Variants in CDH17 observed in about 807,000 individuals in gnomAD.
CDH17 encodes cadherin 17.
A neutral mutation model predicts 86.3 loss-of-function variants in CDH17; 67 were observed. The ratio of observed to expected loss-of-function variants is 0.78; its 90% CI spans 0.64 to 0.95. The LOEUF is 0.95. Among genes scored for constraint, CDH17 ranks in the 40% least tolerant of loss-of-function variants. The pLI, the probability that CDH17 is intolerant of heterozygous loss-of-function variation, is 0.00. For synonymous variants in CDH17, 367 were observed against 366.4 expected (o/e 1.00, Z -0.02); for missense variants, 993 against 1,017.6 (o/e 0.98, Z 0.33).
Position 94,173,926 on chromosome 8 carries a change from G to T in CDH17, c.654C>A (p.Gly218=). ...NLVISVKDMG[G]QSENSFSDTT... is the part of the protein sequence containing the mutation. ...TATCACTGAAGGAATTCTCACTCTG[G>T]CCTCCCATGTCCTTCACTGAGATCA... Residue 218 remains glycine (G), a synonymous_variant, in exon 7 of 18, where the codon GGC becomes GGA. Coordinates refer to ENST00000027335, the MANE Select transcript of CDH17 (RefSeq NM_004063.4). 2 of 1,613,576 alleles carry T rather than the reference G, an allele frequency of 1.2e-6. No homozygotes were observed. The highest frequency in any genetic ancestry group is 1.3e-5 in the African/African-American group (1 of 75,010).
intron 1 of CDH17, among the ~76,000 whole-genome samples, chr8:94,215,326 T>G (rs995289240): frequency 6.6e-6 from 1 of 152,266 alleles, no homozygotes; most frequent in East Asian, 1.9e-4. Context: ...TAAAAAGATA[T>G]GAAATACTGA....
At chr8:94,163,221 A>G (rs1813091660) in intron 10 of CDH17, among the ~76,000 whole-genome samples, 1 of 152,248 alleles carries the variant, frequency 6.6e-6, no homozygotes, top group Admixed American at 6.5e-5. Flanking sequence ...AGAGAAGTTC[A>G]GGTAACCTAA....
At chr8:94,211,320 TATTTA>T (rs570959538), upstream of CDH17, among the ~76,000 whole-genome samples, 18 of 152,214 alleles carry the variant, frequency 1.2e-4, no homozygotes, top group East Asian at 3.3e-3. Flanking sequence ...TATTTTATTT[TATTTA>T]TTTTTTGAGA....
chr8:94,170,888 A>G lies in CDH17; in HGVS notation c.881T>C (p.Val294Ala). The change falls in exon 8 of 18, where the codon GTG (valine) becomes GCG (alanine). Residue 294 changes from valine to alanine, a missense_variant. Physicochemically the swap from Val to Ala is moderately conservative, Grantham distance 64. Coordinates refer to ENST00000027335, the MANE Select transcript of CDH17 (RefSeq NM_004063.4). The stretch of plus-strand genomic sequence containing the variant: ...TTCTTCTCGGTCCAAGGGCTGAGTC[A>G]CGTAAATATCTCCTTCCTGGTCAAT... ...FSIDQEGDIY[V>A]TQPLDREEKD... is the part of the protein sequence containing the mutation. The G allele has an allele frequency of 6.2e-7, 1 of 1,613,832 alleles. No individual in the cohort carries two copies. Among genetic ancestry groups the G allele is most frequent in the East Asian group, 2.2e-5 (1 of 44,864 alleles).
intron 3 of CDH17, among the ~76,000 whole-genome samples, chr8:94,181,992 T>C (rs1187700857): frequency 6.6e-6 from 1 of 152,080 alleles, no homozygotes; most frequent in Non-Finnish European, 1.5e-5. Flanking sequence ...TTAAAGAGAA[T>C]ATTGTGAACA....
At chr8:94,187,209 G>T (rs1027712264) in intron 3 of CDH17, among the ~76,000 whole-genome samples, 1 of 152,166 alleles carries the variant, frequency 6.6e-6, no homozygotes, top group Admixed American at 6.5e-5. Context: ...AAAACACATT[G>T]TACACAATAT....
chr8:94,162,337 C>T (rs1326959712), intron 10 of CDH17, among the ~76,000 whole-genome samples, 175 bp from the exon 11 acceptor site: 1 of 152,150 alleles, frequency 6.6e-6, no homozygotes, highest in Non-Finnish European at 1.5e-5. Flanking sequence ...CCCAAGTGGT[C>T]ACCAAGTGTG....
At chr8:94,158,079 C>G (rs913548149) in intron 12 of CDH17, among the ~76,000 whole-genome samples, 1 of 152,102 alleles carries the variant, frequency 6.6e-6, no homozygotes, top group African/African-American at 2.4e-5. Flanking sequence ...TATCACAGTG[C>G]CCAAGGGACA....
At chr8:94,191,227 C>T (rs1813682421) in intron 2 of CDH17, among the ~76,000 whole-genome samples, 2 of 152,130 alleles carry the variant, frequency 1.3e-5, no homozygotes, top group South Asian at 4.1e-4. Flanking sequence ...TACCTTGTGT[C>T]TGCAGTTGGG....
chr8:94,190,512 C>T (rs1813668281), intron 2 of CDH17, among the ~76,000 whole-genome samples: 1 of 152,212 alleles, frequency 6.6e-6, no homozygotes, highest in Non-Finnish European at 1.5e-5. Context: ...GATTTAGTGC[C>T]TCATCCCCAC....
In CDH17 at chr8:94,129,070, C is replaced by CCTAT. The variant is rs553701914; in HGVS notation, c.2399-734_2399-731dup. On this transcript the variant is annotated intron_variant, in intron 17 of 17. Transcript: ENST00000027335. ...ATGCTCAGAAACTTATAATTCCAACCCTATCTTGAAAATAAGGTCATGAAA... is the reference window on the plus strand; with the variant it reads ...ATGCTCAGAAACTTATAATTCCAACCCTATCTATCTTGAAAATAAGGTCATGAAA... 1.1e-4 allele frequency among the ~76,000 whole-genome samples: 17 copies of CCTAT among 152,226 alleles called. No homozygotes were observed. In the South Asian group the frequency reaches 3.1e-3, roughly 28 times the overall value.
At chr8:94,199,076 TATA>T (rs1813851263) in intron 1 of CDH17, among the ~76,000 whole-genome samples, 20 of 16,246 alleles carry the variant, frequency 1.2e-3, no homozygotes, top group Non-Finnish European at 2.0e-3. Flanking sequence ...TATATATATA[TATA>T]TATATTTTTT....
At chr8:94,142,927 C>T (rs1004173541) in intron 15 of CDH17, among the ~76,000 whole-genome samples, 1 of 152,156 alleles carries the variant, frequency 6.6e-6, no homozygotes, top group Non-Finnish European at 1.5e-5. Context: ...CCCTCAAAGT[C>T]ATCCATGAGG....
intron 15 of CDH17, among the ~76,000 whole-genome samples, chr8:94,137,992 T>C (rs2130577844): frequency 6.6e-6 from 1 of 152,256 alleles, no homozygotes; most frequent in African/African-American, 2.4e-5. Flanking sequence ...AGTCATAACA[T>C]TTATAGGCCT....
intron 9 of CDH17, among the ~76,000 whole-genome samples, chr8:94,168,124 A>ATG (rs1813196332): frequency 1.8e-5 from 1 of 57,130 alleles, no homozygotes; most frequent in African/African-American, 6.8e-5. Context: ...ATATATATAT[A>ATG]TATATATATA....
intron 15 of CDH17, among the ~76,000 whole-genome samples, chr8:94,141,902 G>A (rs1052355039): frequency 2.6e-5 from 4 of 151,964 alleles, no homozygotes; most frequent in Non-Finnish European, 4.4e-5. Context: ...TAGAATGAAG[G>A]AATTTTGAAA....
At chr8:94,211,593 A>C (rs544987006), upstream of CDH17, among the ~76,000 whole-genome samples, 30 of 152,318 alleles carry the variant, frequency 2.0e-4, no homozygotes, top group South Asian at 5.0e-3. Flanking sequence ...GATTACAGGC[A>C]TGAGCCACTG....
intron 2 of CDH17, among the ~76,000 whole-genome samples, chr8:94,190,536 C>T (rs1035201139): frequency 2.0e-5 from 3 of 152,220 alleles, no homozygotes; most frequent in African/African-American, 7.2e-5. Flanking sequence ...GGCCTTCTCT[C>T]CTTCCTGGGC....
chr8:94,135,509 G>T (rs1476245240), intron 15 of CDH17, among the ~76,000 whole-genome samples: 1 of 152,066 alleles, frequency 6.6e-6, no homozygotes, highest in East Asian at 1.9e-4. Flanking sequence ...CATTTGCTTG[G>T]TAGATCTTCC....
Sources: gnomAD v4.1 joint callset for allele counts (sites outside exome capture counted in the v4.1 genomes callset) on GRCh38, gnomAD v4.1.1 for gene constraint, MANE v1.5 for transcripts, NCBI Gene and HGNC (gene_info 2026-07-23, HGNC 2026-07-21) for gene names.